The following BCL7C variants were observed in gnomAD, a reference collection of about 807,000 sequenced individuals.
BCL7C encodes B-cell CLL/lymphoma 7 protein family member C.
A neutral mutation model predicts 26.2 loss-of-function variants in BCL7C; 8 were observed. That is an observed-to-expected ratio of 0.30 (90% CI 0.18 to 0.55). The LOEUF (loss-of-function observed/expected upper bound fraction) is 0.55, where lower values mean the gene tolerates loss of function less well. Among genes scored for constraint, BCL7C ranks in the 20% least tolerant of loss-of-function variants. BCL7C has a pLI of 0.93. For synonymous variants in BCL7C, 90 were observed against 116.5 expected, an observed-to-expected ratio of 0.77 and a Z score of 1.47; for missense variants, 262 against 298.5, an observed-to-expected ratio of 0.88 and a Z score of 0.90.
At chr16:30,852,884 AC>A (rs1329468557) in intron 5 of BCL7C, among the ~76,000 whole-genome samples, 1 of 152,138 alleles carries the variant, frequency 6.6e-6, no homozygotes, top group East Asian at 1.9e-4. Context: ...GTACAGCTGT[AC>A]AAAAATATTT....
At chr16:30,841,217 T>C (rs1278320500) in intron 5 of BCL7C, among the ~76,000 whole-genome samples, 2 of 152,130 alleles carry the variant, frequency 1.3e-5, no homozygotes, top group African/African-American at 4.8e-5. Context: ...GTCTGCAAAT[T>C]TGTTCAATAC....
chr16:30,887,909 C>A lies in BCL7C; in HGVS notation c.610G>T (p.Ala204Ser). 1 of 1,602,862 alleles carries A rather than the reference C, an allele frequency of 6.2e-7. No individual in the cohort carries two copies. The highest frequency in any genetic ancestry group is 8.5e-7 in the Non-Finnish European group (1 of 1,175,328). ...AQGDTEDSEG[A>S]PPLKRICPNA... ...GGGCAGATGCGCTTGAGTGGGGGGG[C>A]ACCCTCCGAGTCCTCTGTGTCACCC... The change falls in exon 6 of 6, where the codon GCC (alanine) becomes TCC (serine). Residue 204 changes from alanine (A) to serine (S), a missense_variant. Ala to Ser is a moderately conservative substitution (Grantham distance 99, BLOSUM62 1). Coordinates refer to ENST00000215115, the MANE Select transcript of BCL7C (RefSeq NM_004765.4).
chr16:30,881,423 C>CA (rs1009343509), intron 5 of BCL7C, among the ~76,000 whole-genome samples: 1 of 151,130 alleles, frequency 6.6e-6, no homozygotes, highest in Non-Finnish European at 1.5e-5. Flanking sequence ...CACACACACA[C>CA]ACAACAAAAA....
intron 5 of BCL7C, among the ~76,000 whole-genome samples, chr16:30,836,886 C>A (rs937837010): frequency 6.6e-6 from 1 of 151,708 alleles, no homozygotes; most frequent in African/African-American, 2.4e-5. Context: ...CCCTGCCTAC[C>A]AGGTTCAAGC....
chr16:30,855,850 C>G (rs190649330), intron 5 of BCL7C, among the ~76,000 whole-genome samples: 1 of 149,858 alleles, frequency 6.7e-6, no homozygotes, highest in Non-Finnish European at 1.5e-5. Context: ...CACCTGAGGT[C>G]GGGAGTTCAA....
intron 5 of BCL7C, among the ~76,000 whole-genome samples, chr16:30,841,270 A>C (rs1239115089): frequency 6.6e-6 from 1 of 152,144 alleles, no homozygotes; most frequent in African/African-American, 2.4e-5. Context: ...CCTCACCCCA[A>C]TTCATATGAA....
intron 4 of BCL7C, among the ~76,000 whole-genome samples, chr16:30,891,594 ATTAT>A (rs1350847566): frequency 9.2e-5 from 14 of 152,284 alleles, no homozygotes; most frequent in Middle Eastern, 6.8e-3. Flanking sequence ...GACTATCACT[ATTAT>A]TTATTCACTC....
chr16:30,864,479 C>T (rs1050071938), intron 5 of BCL7C, among the ~76,000 whole-genome samples: 4 of 152,166 alleles, frequency 2.6e-5, no homozygotes, highest in African/African-American at 9.7e-5. Flanking sequence ...AATATCACCC[C>T]TTACCCCAAA....
chr16:30,893,962 C>G lies in BCL7C; in HGVS notation c.-18G>C. On this transcript the variant is annotated 5_prime_UTR_variant, in exon 1 of 6. Coordinates refer to ENST00000215115, the MANE Select transcript of BCL7C (RefSeq NM_004765.4). The surrounding 1 kb of genome is among the most constrained non-coding windows in gnomAD (Gnocchi z 5.2). ...CCGGCCATGCTGGCGGGGCTGGGGC[C>G]GGGGCCGAGCCCGCGGCGGGGCCGC... 7.3e-7 allele frequency: 1 copy of G among 1,366,122 alleles called. No individual in the cohort carries two copies. Among genetic ancestry groups the G allele is most frequent in the Non-Finnish European group, 9.5e-7 (1 of 1,055,250 alleles). The allele number at this position is 1,366,122 out of a possible 1,614,324, so 84.6% of individuals were successfully genotyped here.
chr16:30,867,470 G>A (rs1454770440), intron 5 of BCL7C, among the ~76,000 whole-genome samples: 2 of 152,062 alleles, frequency 1.3e-5, no homozygotes, highest in East Asian at 1.9e-4. Flanking sequence ...CTTGAGATGC[G>A]GGTGGTCTTG....
chr16:30,859,972 G>T (rs2054756117), intron 5 of BCL7C, among the ~76,000 whole-genome samples: 1 of 152,108 alleles, frequency 6.6e-6, no homozygotes, highest in South Asian at 2.1e-4. Context: ...TACGACCTTG[G>T]GTCCTCAGAC....
intron 5 of BCL7C, among the ~76,000 whole-genome samples, chr16:30,870,294 C>G (rs975732193): frequency 2.6e-5 from 4 of 152,110 alleles, no homozygotes; most frequent in African/African-American, 9.7e-5. Context: ...ATAAGAACAC[C>G]CTTTTCATAG....
At chr16:30,836,176 C>G (rs1182937760) in intron 5 of BCL7C, among the ~76,000 whole-genome samples, 1 of 152,150 alleles carries the variant, frequency 6.6e-6, no homozygotes, top group Non-Finnish European at 1.5e-5. Context: ...ATCGCTTGAG[C>G]CTGGGAGGCA....
At chr16:30,873,491 A>G (rs1170986086) in intron 5 of BCL7C, among the ~76,000 whole-genome samples, 5 of 152,144 alleles carry the variant, frequency 3.3e-5, no homozygotes, top group Non-Finnish European at 7.3e-5. Context: ...TGAACTGTAC[A>G]CTTTAAATGG....
At chr16:30,856,269 G>C (rs1336959716) in intron 5 of BCL7C, among the ~76,000 whole-genome samples, 1 of 150,960 alleles carries the variant, frequency 6.6e-6, no homozygotes, top group South Asian at 2.1e-4. Flanking sequence ...GTGAAACCCC[G>C]TCTCTACTAA....
intron 5 of BCL7C, among the ~76,000 whole-genome samples, chr16:30,846,087 G>C (rs901554162): frequency 7.2e-6 from 1 of 139,720 alleles, no homozygotes; most frequent in African/African-American, 2.6e-5. Flanking sequence ...TCCAGCCTGG[G>C]CAACAGAGCG....
intron 5 of BCL7C, among the ~76,000 whole-genome samples, chr16:30,864,965 G>A (rs947073404): frequency 2.6e-5 from 4 of 151,288 alleles, no homozygotes; most frequent in African/African-American, 9.7e-5. Context: ...TCAGGAGATC[G>A]AGATCATCCT....
At position 30,834,775 on chromosome 16, in the gene BCL7C, G is replaced by T; in HGVS notation, c.*173C>A. The T allele has an allele frequency of 1.6e-6, 1 of 612,146 alleles. No homozygotes were observed. The highest frequency in any genetic ancestry group is 2.7e-6 in the Non-Finnish European group (1 of 368,220). 37.9% of individuals were successfully genotyped at this position (612,146 alleles called of 1,614,324 possible). ...CCATGCATTCGGGCGCCAGTGGCGA[G>T]CCAGATGGGTGCTGTGGCCTTAGGT... On this transcript the variant is annotated 3_prime_UTR_variant, in exon 6 of 6. Coordinates refer to the BCL7C transcript ENST00000380317. The surrounding 1 kb of genome is among the most constrained non-coding windows in gnomAD (Gnocchi z 4.3).
chr16:30,878,088 T>C (rs1289594000), intron 5 of BCL7C, among the ~76,000 whole-genome samples: 1 of 151,698 alleles, frequency 6.6e-6, no homozygotes, highest in African/African-American at 2.4e-5. Context: ...GGCACGAGAA[T>C]GGCTTGAACC....
Sources: gnomAD v4.1 joint callset for allele counts (sites outside exome capture counted in the v4.1 genomes callset) on GRCh38, gnomAD v4.1.1 for gene constraint, Gnocchi (gnomAD v3.1) non-coding constraint, MANE v1.5 for transcripts, NCBI Gene and HGNC (gene_info 2026-07-23, HGNC 2026-07-21) for gene names.